Variants in EPS8 observed in about 807,000 individuals in gnomAD.
EPS8 encodes the protein EGFR pathway substrate 8, signaling adaptor.
A neutral mutation model predicts 103.8 loss-of-function variants in EPS8; 42 were observed. The observed-to-expected ratio is 0.40, with a 90% CI of 0.32 to 0.52. The LOEUF is 0.52. Ranked by LOEUF, EPS8 falls within the 20% of genes least tolerant of loss-of-function variation. The pLI, the probability that EPS8 is intolerant of heterozygous loss-of-function variation, is 0.40. For synonymous variants in EPS8, 344 were observed against 344.6 expected (o/e 1.00, Z 0.02); for missense variants, 969 against 1,005.1 (o/e 0.96, Z 0.49).
chr12:15,671,801 A>C (rs1422356089), intron 3 of EPS8: 1 of 152,108 alleles, frequency 6.6e-6, no homozygotes, highest in Non-Finnish European at 1.5e-5. Flanking sequence ...TGTGCTGCCA[A>C]AGTGAGCACT....
intron 1 of EPS8, among the ~76,000 whole-genome samples, chr12:15,770,288 CAAA>C (rs367721789): frequency 2.5e-5 from 3 of 119,840 alleles, no homozygotes; most frequent in Admixed American, 9.5e-5. Flanking sequence ...GACCCTGTCT[CAAA>C]AAAAAAAAAA....
At chr12:15,676,171 G>A (rs1385808096) in intron 3 of EPS8, among the ~76,000 whole-genome samples, 1 of 150,328 alleles carries the variant, frequency 6.7e-6, no homozygotes, top group East Asian at 2.0e-4. Flanking sequence ...TACTCAGGAG[G>A]CTGAGACAGG....
chr12:15,678,260 A>C (rs1245008192), intron 3 of EPS8, among the ~76,000 whole-genome samples: 1 of 152,144 alleles, frequency 6.6e-6, no homozygotes, highest in Non-Finnish European at 1.5e-5. Context: ...CCATCTGTCC[A>C]TTCATTCCAT....
At chr12:15,715,996 G>A (rs1364825888) in intron 1 of EPS8, among the ~76,000 whole-genome samples, 3 of 151,842 alleles carry the variant, frequency 2.0e-5, no homozygotes, top group Non-Finnish European at 4.4e-5. Flanking sequence ...ATAATTCCTC[G>A]ATGAGAAAAT....
Position 15,698,416 on chromosome 12 carries a change from A to G in EPS8, c.-21-15444T>C, listed in dbSNP as rs1241712571. The stretch of plus-strand genomic sequence containing the variant: ...CAAGCAGTGTCAACTAGACTCCCCA[A>G]CCCCCGCTCTTTAAGTTAACCTCAT... On this transcript the variant is annotated intron_variant, in intron 1 of 20. Transcript: ENST00000281172. This position sits in a 1 kb window ranked among gnomAD's most constrained non-coding sequence, Gnocchi z 4.9. Among the ~76,000 whole-genome samples the G allele has an allele frequency of 6.6e-6, 1 of 151,874 alleles. No individual in the cohort carries two copies. Among genetic ancestry groups the G allele is most frequent in the Admixed American group, 6.6e-5 (1 of 15,244 alleles).
intron 8 of EPS8, among the ~76,000 whole-genome samples, chr12:15,663,941 A>AATAATAATAAT (rs1555112152): frequency 4.1e-5 from 3 of 73,278 alleles, no homozygotes; most frequent in South Asian, 5.7e-4. Context: ...AAAAAAAAAA[A>AATAATAATAAT]AAAAATAATA....
rs1193868980 is a variant in EPS8, at chr12:15,620,539, A to T, written c.*778T>A. ...AGAACTGAGGCTTTCATTAAGCAAA[A>T]TACTGTAATGCACACCAATGCAGAC... is the stretch of plus-strand genomic sequence containing the variant. On this transcript the variant is annotated 3_prime_UTR_variant, in exon 21 of 21. Transcript: ENST00000281172. The T allele has an allele frequency of 6.6e-6, 1 of 152,658 alleles. No individual in the cohort carries two copies. Among genetic ancestry groups the T allele is most frequent in the East Asian group, 1.9e-4 (1 of 5,188 alleles). The allele number at this position is 152,658 out of a possible 1,614,324, so 9.5% of individuals were successfully genotyped here.
At chr12:15,755,792 C>T (rs553464361) in intron 1 of EPS8, among the ~76,000 whole-genome samples, 20 of 152,254 alleles carry the variant, frequency 1.3e-4, no homozygotes, top group African/African-American at 3.9e-4. Context: ...TCCTTCCTGT[C>T]CCTACATTAA....
rs548823868 is a variant in EPS8 at position 15,784,986 on chromosome 12, G to A, written c.-22+4175C>T. Among the ~76,000 whole-genome samples the A allele has an allele frequency of 2.8e-3, 426 of 152,156 alleles. 4 individuals carry two copies. Among genetic ancestry groups the A allele is most frequent in the African/African-American group, 9.7e-3 (403 of 41,526 alleles). On this transcript the variant is annotated intron_variant, in intron 1 of 20. Coordinates refer to ENST00000281172, the MANE Select transcript of EPS8 (RefSeq NM_004447.6). The surrounding 1 kb of genome is among the most constrained non-coding windows in gnomAD (Gnocchi z 4.0). ...CAGAGGTTATGAGTGAAGCCCAGGG[G>A]ATTTGTAATGTGTTGAAATTATTCG... is the stretch of plus-strand genomic sequence containing the variant.
At chr12:15,732,513 A>G (rs1293847956) in intron 1 of EPS8, among the ~76,000 whole-genome samples, 2 of 152,208 alleles carry the variant, frequency 1.3e-5, no homozygotes, top group Admixed American at 1.3e-4. Context: ...AGGCTCAGAG[A>G]GCATGCATGC....
Position 15,745,972 on chromosome 12 carries a change from T to C in EPS8, c.-22+43189A>G, listed in dbSNP as rs928794968. Among the ~76,000 whole-genome samples the C allele has an allele frequency of 2.0e-5, 3 of 152,194 alleles. No individual in the cohort carries two copies. The highest frequency in any genetic ancestry group is 7.2e-5 in the African/African-American group (3 of 41,448). ...AGGGTTGAAGAGTTACACCATTTTC[T>C]TTAACACACAGCTTTTACATGGGAT... On this transcript the variant is annotated intron_variant, in intron 1 of 20. Transcript: ENST00000281172. The surrounding 1 kb of genome is among the most constrained non-coding windows in gnomAD (Gnocchi z 4.6).
At chr12:15,766,573 G>A (rs1947099239) in intron 1 of EPS8, among the ~76,000 whole-genome samples, 1 of 151,720 alleles carries the variant, frequency 6.6e-6, no homozygotes. Context: ...AGCTACTTGG[G>A]AGGCTGAGGC....
Position 15,700,802 on chromosome 12 carries a change from T to A in EPS8, c.-21-17830A>T, listed in dbSNP as rs937311299. Among the ~76,000 whole-genome samples the A allele has an allele frequency of 2.0e-5, 3 of 152,194 alleles. No individual in the cohort carries two copies. The East Asian group carries it at 5.8e-4, about 29-fold the overall frequency. On this transcript the variant is annotated intron_variant, in intron 1 of 20. Transcript: ENST00000281172. The surrounding 1 kb of genome is among the most constrained non-coding windows in gnomAD (Gnocchi z 5.1). ...ACCACTTCCTGAAACACCCAATGTT[T>A]TTCTTGGAAGGAAGTCCATACAAGT... is the stretch of plus-strand genomic sequence containing the variant.
chr12:15,726,685 T>C (rs1278580865), intron 1 of EPS8, among the ~76,000 whole-genome samples: 1 of 152,202 alleles, frequency 6.6e-6, no homozygotes, highest in Non-Finnish European at 1.5e-5. Context: ...AATTTTGAAA[T>C]GACAATCTGT....
chr12:15,742,158 G>C lies in EPS8; in HGVS notation c.-22+47003C>G, dbSNP rs144279992. On this transcript the variant is annotated intron_variant, in intron 1 of 20. Coordinates refer to ENST00000281172, the MANE Select transcript of EPS8 (RefSeq NM_004447.6). Reference sequence around the variant, plus strand: ...TTCCAACTCTTTGCTATTGTGAATAGTGCCGCTATAAACATATGTGTGCAT... The same window carrying C: ...TTCCAACTCTTTGCTATTGTGAATACTGCCGCTATAAACATATGTGTGCAT... 3.0e-4 allele frequency among the ~76,000 whole-genome samples: 45 copies of C among 152,286 alleles called. 2 individuals carry two copies. In the East Asian group the frequency reaches 6.8e-3, roughly 23 times the overall value.
Position 15,759,339 on chromosome 12 carries a change from C to A in EPS8, c.-22+29822G>T, listed in dbSNP as rs771295461. Among the ~76,000 whole-genome samples, 1 of 152,056 alleles carries A rather than the reference C, an allele frequency of 6.6e-6. No homozygotes were observed. The highest frequency in any genetic ancestry group is 1.5e-5 in the Non-Finnish European group (1 of 67,948). ...GCTTTGAAGGCAACAATTAGCTATA[C>A]TTCCATAATTTTGATCTGATTCAAC... On this transcript the variant is annotated intron_variant, in intron 1 of 20. Transcript: ENST00000281172. This position sits in a 1 kb window ranked among gnomAD's most constrained non-coding sequence, Gnocchi z 4.9.
chr12:15,675,421 G>A (rs1427078575), intron 3 of EPS8, among the ~76,000 whole-genome samples: 5 of 152,118 alleles, frequency 3.3e-5, no homozygotes, highest in Admixed American at 6.5e-5. Context: ...CCAACATGGC[G>A]AAAGGCTGTC....
intron 1 of EPS8, among the ~76,000 whole-genome samples, chr12:15,705,958 T>C (rs536172132): frequency 4.1e-4 from 63 of 152,190 alleles, no homozygotes; most frequent in Non-Finnish European, 7.6e-4. Context: ...CAAGTATCAT[T>C]ATTAAATTCT....
intron 12 of EPS8, among the ~76,000 whole-genome samples, chr12:15,655,826 A>T (rs975238294): frequency 6.6e-6 from 1 of 152,176 alleles, no homozygotes; most frequent in African/African-American, 2.4e-5. Context: ...GAGGAGAGCA[A>T]CTCGCAGGTG....
Sources: allele counts gnomAD v4.1 joint callset (sites outside exome capture counted in the v4.1 genomes callset), GRCh38; gene constraint gnomAD v4.1.1; non-coding constraint Gnocchi (gnomAD v3.1); transcripts MANE v1.5; gene names NCBI Gene and HGNC (gene_info 2026-07-23, HGNC 2026-07-21).